TRIM67: variants seen among roughly 807,000 people sequenced by gnomAD.
TRIM67 encodes tripartite motif containing 67, also known as tripartite motif-containing protein 67.
A neutral mutation model predicts 71.0 loss-of-function variants in TRIM67; 39 were observed. That is an observed-to-expected ratio of 0.55 (90% CI 0.43 to 0.72). TRIM67 has a LOEUF of 0.72. Among genes scored for constraint, TRIM67 ranks in the 30% least tolerant of loss-of-function variants. The pLI is 0.00. For missense variants in TRIM67, 973 were observed against 1,079.2 expected, an observed-to-expected ratio of 0.90 and a Z score of 1.38; for synonymous variants, 481 against 473.9, an observed-to-expected ratio of 1.01 and a Z score of -0.19.
At position 231,220,026 on chromosome 1, in the gene TRIM67, CTGAAA is replaced by C. The variant is rs376887678; in HGVS notation, c.*4590_*4594del. ...CCTTTCTGTGCCTCAGTATCCCCAC[CTGAAA>C]TGAGACTAGTCATACTAACCTACCT... On this transcript the variant is annotated 3_prime_UTR_variant, in exon 10 of 10. Transcript: ENST00000366653. 39 of 1,142,674 alleles carry C rather than the reference CTGAAA, an allele frequency of 3.4e-5. No homozygotes were observed. In the African/African-American group the frequency reaches 4.4e-4, roughly 13 times the overall value. 70.8% of individuals were successfully genotyped at this position (1,142,674 alleles called of 1,614,324 possible). A position where few individuals can be genotyped will look rare whatever the true frequency, so the allele number is the denominator to read the frequency against.
At chr1:231,206,105 T>C (rs1441726603) in intron 6 of TRIM67, among the ~76,000 whole-genome samples, 1 of 152,160 alleles carries the variant, frequency 6.6e-6, no homozygotes, top group Non-Finnish European at 1.5e-5. Context: ...TTTCCCTTTT[T>C]AATAACTTCT....
chr1:231,201,103 G>A (rs1434762822), intron 4 of TRIM67, among the ~76,000 whole-genome samples: 1 of 152,030 alleles, frequency 6.6e-6, no homozygotes, highest in East Asian at 1.9e-4. Context: ...AGTGTTTGCG[G>A]CAATCTCTTT....
Position 231,209,420 on chromosome 1 carries a change from A to G in TRIM67, c.2123+170A>G, listed in dbSNP as rs1163126951. ...GAGGCCTTCACTCTGCCCATATAGA[A>G]CTGGCCTGCAGCCCAGATGAGGGTA... On this transcript the variant is annotated intron_variant, in intron 8 of 9. Coordinates refer to ENST00000366653, the MANE Select transcript of TRIM67 (RefSeq NM_001004342.5). The surrounding 1 kb of genome is among the most constrained non-coding windows in gnomAD (Gnocchi z 4.1). Among the ~76,000 whole-genome samples the G allele has an allele frequency of 6.6e-6, 1 of 152,048 alleles. No homozygotes were observed. The highest frequency in any genetic ancestry group is 1.5e-5 in the Non-Finnish European group (1 of 68,000).
At chr1:231,184,046 T>G (rs1021219715) in intron 1 of TRIM67, 2 of 152,142 alleles carry the variant, frequency 1.3e-5, no homozygotes, top group African/African-American at 4.8e-5. Flanking sequence ...TTCCAAGGAG[T>G]TATCATCCTG....
chr1:231,202,426 G>C (rs1683580405), intron 5 of TRIM67, among the ~76,000 whole-genome samples: 1 of 152,142 alleles, frequency 6.6e-6, no homozygotes, highest in African/African-American at 2.4e-5. Context: ...TGTCCCAAGA[G>C]CAAGAAGGTC....
At position 231,209,337 on chromosome 1, in the gene TRIM67, C is replaced by A; in HGVS notation, c.2123+87C>A. 7.2e-7 allele frequency: 1 copy of A among 1,386,238 alleles called. No individual in the cohort carries two copies. Among genetic ancestry groups the A allele is most frequent in the Non-Finnish European group, 9.6e-7 (1 of 1,044,704 alleles). 85.9% of individuals were successfully genotyped at this position (1,386,238 alleles called of 1,614,324 possible). On this transcript the variant is annotated intron_variant, in intron 8 of 9. Transcript: ENST00000366653. This position sits in a 1 kb window ranked among gnomAD's most constrained non-coding sequence, Gnocchi z 4.1. ...AGACCAGTGTCCCTTCTGCTGTCCC[C>A]AAAGCCAGGAGGAATTGAGAGGAGG...
chr1:231,178,864 T>A (rs572367525), intron 1 of TRIM67, among the ~76,000 whole-genome samples: 1 of 152,228 alleles, frequency 6.6e-6, no homozygotes, highest in African/African-American at 2.4e-5. Context: ...AAAAGGTTCC[T>A]ATTACACCTT....
chr1:231,192,954 C>T (rs1339025972), intron 1 of TRIM67, among the ~76,000 whole-genome samples: 2 of 152,214 alleles, frequency 1.3e-5, no homozygotes, highest in African/African-American at 2.4e-5. Context: ...TCTTGCCAAG[C>T]TCCTTGGTCT....
At chr1:231,186,602 T>A (rs1322723553) in intron 1 of TRIM67, among the ~76,000 whole-genome samples, 1 of 152,152 alleles carries the variant, frequency 6.6e-6, no homozygotes, top group Non-Finnish European at 1.5e-5. Context: ...TCTGTCTCTA[T>A]GTCCAAATCT....
intron 1 of TRIM67, chr1:231,184,799 A>G (rs1683012598): frequency 5.2e-6 from 3 of 581,164 alleles, no homozygotes; most frequent in Non-Finnish European, 9.2e-6. Flanking sequence ...AGGGCCTTCC[A>G]TGCACACCAT....
chr1:231,217,101 T>C lies in TRIM67; in HGVS notation c.*1661T>C. The C allele has an allele frequency of 1.0e-6, 1 of 985,910 alleles. No homozygotes were observed. The allele number at this position is 985,910 out of a possible 1,614,324, so 61.1% of individuals were successfully genotyped here. A position where few individuals can be genotyped will look rare whatever the true frequency, so the allele number is the denominator to read the frequency against. On this transcript the variant is annotated 3_prime_UTR_variant, in exon 10 of 10. Transcript: ENST00000366653. ...TCTGAGTAACTGCCTGCCGGAGCCA[T>C]GCAGGTACCCCCCCTCCACTCAGCA...
chr1:231,188,564 T>C (rs986326466), intron 1 of TRIM67, among the ~76,000 whole-genome samples: 1 of 152,164 alleles, frequency 6.6e-6, no homozygotes, highest in Admixed American at 6.5e-5. Flanking sequence ...TGGTTGAACA[T>C]CCAAAGTGCA....
intron 1 of TRIM67, among the ~76,000 whole-genome samples, chr1:231,187,800 T>C (rs1683127525): frequency 6.6e-6 from 1 of 152,174 alleles, no homozygotes; most frequent in Non-Finnish European, 1.5e-5. Context: ...GGAGCTGCTG[T>C]AGTGCTTCTG....
In TRIM67 at chr1:231,209,220, G is replaced by C. The variant is rs1683797991; in HGVS notation, c.2093G>C (p.Trp698Ser). The C allele has an allele frequency of 1.9e-6, 3 of 1,578,834 alleles. No homozygotes were observed. Among genetic ancestry groups the C allele is most frequent in the Admixed American group, 1.7e-5 (1 of 57,734 alleles). ...ATGTATGTGGACAACAACCGCAGCT[G>C]GTTCATGCACTGCAACTCCCACACC... ...WAMYVDNNRS[W>S]FMHCNSHTNR... Residue 698 changes from tryptophan to serine, a missense_variant, in exon 8 of 10, where the codon TGG (tryptophan) becomes TCG (serine). Coordinates refer to ENST00000366653, the MANE Select transcript of TRIM67 (RefSeq NM_001004342.5). This position sits in a 1 kb window ranked among gnomAD's most constrained non-coding sequence, Gnocchi z 4.1.
chr1:231,164,543 T>C (rs1682398134), intron 1 of TRIM67, among the ~76,000 whole-genome samples: 1 of 152,092 alleles, frequency 6.6e-6, no homozygotes, highest in South Asian at 2.1e-4. Flanking sequence ...AAATTTCCCA[T>C]CCAAATGCCA....
At position 231,167,319 on chromosome 1, in the gene TRIM67, CTTTTT is replaced by C. The variant is rs1159766852; in HGVS notation, c.1044+3323_1044+3327del. The stretch of plus-strand genomic sequence containing the variant: ...ACAGGACTTTTGATCACTCTAATGT[CTTTTT>C]TTTTTTTTTTTTTTTTGAGACGGAG... On this transcript the variant is annotated intron_variant, in intron 1 of 9. Transcript: ENST00000366653. 7.5e-4 allele frequency among the ~76,000 whole-genome samples: 39 copies of C among 51,846 alleles called. 6 individuals are homozygous for C. The highest frequency in any genetic ancestry group is 1.1e-3 in the African/African-American group (12 of 10,696). The allele number at this position is 51,846 out of a possible 152,430, so 34.0% of individuals were successfully genotyped here. A position where few individuals can be genotyped will look rare whatever the true frequency, so the allele number is the denominator to read the frequency against.
At chr1:231,186,043 A>G (rs1444624907) in intron 1 of TRIM67, 1 of 1,517,564 alleles carries the variant, frequency 6.6e-7, no homozygotes, top group Non-Finnish European at 8.8e-7. Flanking sequence ...CCCAGGGAAA[A>G]AGAAGGGGAT....
At chr1:231,192,427 A>T (rs906107688) in intron 1 of TRIM67, among the ~76,000 whole-genome samples, 3 of 151,398 alleles carry the variant, frequency 2.0e-5, no homozygotes, top group African/African-American at 4.9e-5. Context: ...CAATCCTCCC[A>T]CCCCGGCCTC....
chr1:231,193,503 G>GCGCTCTCTCTCTCT (rs1683287533), intron 1 of TRIM67, among the ~76,000 whole-genome samples: 2 of 81,946 alleles, frequency 2.4e-5, no homozygotes, highest in African/African-American at 9.1e-5. Flanking sequence ...TCTCTCTCAA[G>GCGCTCTCTCTCTCT]CTCTCTCTCT....
Sources: gnomAD v4.1 joint callset for allele counts (sites outside exome capture counted in the v4.1 genomes callset) on GRCh38, gnomAD v4.1.1 for gene constraint, Gnocchi (gnomAD v3.1) non-coding constraint, MANE v1.5 for transcripts, NCBI Gene and HGNC (gene_info 2026-07-23, HGNC 2026-07-21) for gene names.